Variants in RASGRP4 observed in about 807,000 individuals in gnomAD.
RASGRP4 encodes RAS guanyl releasing protein 4.
In RASGRP4, 52 loss-of-function variants were observed where a neutral mutation model predicts 84.4. The observed-to-expected ratio is 0.62, with a 90% CI of 0.49 to 0.78. RASGRP4 has a LOEUF of 0.78. RASGRP4 is among the 30% of genes least tolerant of loss of function. RASGRP4 has a pLI of 0.00. For synonymous variants in RASGRP4, 356 were observed against 359.1 expected (o/e 0.99, Z 0.10); for missense variants, 760 against 886.9 (o/e 0.86, Z 1.82).
Position 38,413,349 on chromosome 19 carries a change from G to T in RASGRP4, c.1311+45C>A, listed in dbSNP as rs1404132199. 1.2e-6 allele frequency: 2 copies of T among 1,602,080 alleles called. No homozygotes were observed. Among genetic ancestry groups the T allele is most frequent in the African/African-American group, 1.3e-5 (1 of 74,634 alleles). On this transcript the variant is annotated intron_variant, in intron 10 of 16. Transcript: ENST00000615439. The surrounding 1 kb of genome is among the most constrained non-coding windows in gnomAD (Gnocchi z 4.7). ...TAGTCACTGCATAGGCTTAGGGGGG[G>T]TTCGAGGTAATTGGGGGAGTCCGAG...
Position 38,409,122 on chromosome 19 carries a change from T to C in RASGRP4, c.*918A>G. The C allele has an allele frequency of 2.8e-6, 1 of 351,118 alleles. No homozygotes were observed. The highest frequency in any genetic ancestry group is 5.0e-6 in the Non-Finnish European group (1 of 200,512). 21.8% of individuals were successfully genotyped at this position (351,118 alleles called of 1,614,324 possible). ...CTCTCTGTGGGGGCCAAGTCAGGGGTGTTGGGGTTTGTGAAGGGGTTGGGG... is the reference window on the plus strand; with the variant it reads ...CTCTCTGTGGGGGCCAAGTCAGGGGCGTTGGGGTTTGTGAAGGGGTTGGGG... On this transcript the variant is annotated 3_prime_UTR_variant, in exon 17 of 17. Coordinates refer to ENST00000615439, the MANE Select transcript of RASGRP4 (RefSeq NM_170604.3).
At chr19:38,414,384 TGGCGCAA>T (rs1971406653) in intron 9 of RASGRP4, among the ~76,000 whole-genome samples, 1 of 151,648 alleles carries the variant, frequency 6.6e-6, no homozygotes, top group African/African-American at 2.4e-5. Flanking sequence ...AATGGCGCAA[TGGCGCAA>T]TCTCAGCTCA....
chr19:38,420,270 T>G lies in RASGRP4; in HGVS notation c.378-8A>C, dbSNP rs372455784. ...TGTCGCATCAGCCAGTACCTGAGAG[T>G]GGTTTGGAGATGGTGAGATGAGGCC... On this transcript the variant is annotated splice_polypyrimidine_tract_variant and splice_region_variant and intron_variant, in intron 4 of 16. Coordinates refer to ENST00000615439, the MANE Select transcript of RASGRP4 (RefSeq NM_170604.3). The G allele has an allele frequency of 9.4e-5, 152 of 1,610,562 alleles. 1 individual carries two copies. The highest frequency in any genetic ancestry group is 3.3e-4 in the Middle Eastern group (2 of 6,056).
chr19:38,424,321 T>C lies in RASGRP4; in HGVS notation c.23+1748A>G, dbSNP rs146749902. ...TTTTAGTAGAAATGGGGTTTCACCA[T>C]GTTGGCCAGGCTGGTTTCAAACTCC... On this transcript the variant is annotated intron_variant, in intron 1 of 16. Transcript: ENST00000615439. Among the ~76,000 whole-genome samples, 176 of 152,256 alleles carry C rather than the reference T, an allele frequency of 1.2e-3. 1 individual carries two copies. The highest frequency in any genetic ancestry group is 4.0e-3 in the African/African-American group (165 of 41,558).
Position 38,415,138 on chromosome 19 carries a change from C to G in RASGRP4, c.955-15G>C, listed in dbSNP as rs775505709. The G allele has an allele frequency of 4.4e-6, 7 of 1,576,776 alleles. No homozygotes were observed. In the Admixed American group the frequency reaches 5.4e-5, roughly 12 times the overall value. On this transcript the variant is annotated splice_polypyrimidine_tract_variant and intron_variant, in intron 8 of 16. Coordinates refer to ENST00000615439, the MANE Select transcript of RASGRP4 (RefSeq NM_170604.3). ...TCCAGGAGGGCCTGGGGAGGAGGGA[C>G]ATGGGATTGGGGCGTTATCAGGACA...
Position 38,417,240 on chromosome 19 carries a change from C to T in RASGRP4, c.838-72G>A, listed in dbSNP as rs959846005. ...AGTCAGGAGTTCAGATGACAGCATC[C>T]CAGTTGAGGTGGGGTCCCAGGCATG... On this transcript the variant is annotated intron_variant, in intron 7 of 16. Coordinates refer to ENST00000615439, the MANE Select transcript of RASGRP4 (RefSeq NM_170604.3). This position sits in a 1 kb window ranked among gnomAD's most constrained non-coding sequence, Gnocchi z 5.1. 1.5e-5 allele frequency: 15 copies of T among 972,392 alleles called. No homozygotes were observed. Among genetic ancestry groups the T allele is most frequent in the Non-Finnish European group, 2.3e-5 (14 of 621,370 alleles). The allele number at this position is 972,392 out of a possible 1,614,324, so 60.2% of individuals were successfully genotyped here. A position where few individuals can be genotyped will look rare whatever the true frequency, so the allele number is the denominator to read the frequency against.
At chr19:38,420,703 G>A (rs1262887486) in intron 4 of RASGRP4, among the ~76,000 whole-genome samples, 2 of 145,350 alleles carry the variant, frequency 1.4e-5, no homozygotes, top group African/African-American at 5.1e-5. Flanking sequence ...GGTGAGGGGG[G>A]TCTCTAGGAA....
rs1407440842 is a variant in RASGRP4, at chr19:38,422,150, C to A, written c.27G>T (p.Lys9Asn). Residue 9 changes from lysine (K) to asparagine (N), a missense_variant, in exon 2 of 17, where the codon AAG becomes AAT. Coordinates refer to ENST00000615439, the MANE Select transcript of RASGRP4 (RefSeq NM_170604.3). MNRKDSKR[K>N]SHQECTGKIG... ...TTTTTCCGGTGCATTCCTGGTGGGA[C>A]TTCCTGTGGGCACAGCCCCCAAGGA... The A allele has an allele frequency of 6.2e-7, 1 of 1,607,886 alleles. No homozygotes were observed. The highest frequency in any genetic ancestry group is 8.5e-7 in the Non-Finnish European group (1 of 1,177,586).
chr19:38,415,295 G>A (rs1022421159), intron 8 of RASGRP4, among the ~76,000 whole-genome samples, 172 bp from the exon 9 acceptor site: 4 of 151,974 alleles, frequency 2.6e-5, no homozygotes, highest in Admixed American at 6.6e-5. Flanking sequence ...CTTCCTCTTG[G>A]GTCCCCATCT....
chr19:38,423,858 G>A (rs62118964), intron 1 of RASGRP4, among the ~76,000 whole-genome samples: 45 of 151,676 alleles, frequency 3.0e-4, no homozygotes, highest in Non-Finnish European at 6.6e-4. Flanking sequence ...AATAATAATA[G>A]TAATAATAGT....
Position 38,410,887 on chromosome 19 carries a change from G to T in RASGRP4, c.1964C>A (p.Thr655Lys). The T allele has an allele frequency of 6.3e-7, 1 of 1,588,994 alleles. No homozygotes were observed. The highest frequency in any genetic ancestry group is 1.8e-5 in the Admixed American group (1 of 55,974). ...ESPHPSWETD[T>K]VPCPVMDPPS... ...GGGGTAGGGGCGGTTTCTCCTCACCGTATCTGTTTCCCAGGAAGGGTGTGG... is the reference window on the plus strand; with the variant it reads ...GGGGTAGGGGCGGTTTCTCCTCACCTTATCTGTTTCCCAGGAAGGGTGTGG... The change falls in exon 16 of 17, where the codon ACG becomes AAG. Residue 655 changes from threonine (T) to lysine (K), a missense_variant and splice_region_variant. Coordinates refer to ENST00000615439, the MANE Select transcript of RASGRP4 (RefSeq NM_170604.3).
In RASGRP4 at chr19:38,417,105, C is replaced by A; in HGVS notation, c.901G>T (p.Ala301Ser). 1 of 1,565,202 alleles carries A rather than the reference C, an allele frequency of 6.4e-7. No individual in the cohort carries two copies. The highest frequency in any genetic ancestry group is 8.7e-7 in the Non-Finnish European group (1 of 1,154,682). The change falls in exon 8 of 17, where the codon GCC (alanine) becomes TCC (serine). Residue 301 changes from alanine to serine, a missense_variant. Coordinates refer to ENST00000615439, the MANE Select transcript of RASGRP4 (RefSeq NM_170604.3). The surrounding 1 kb of genome is among the most constrained non-coding windows in gnomAD (Gnocchi z 5.1). The part of the protein sequence containing the change: ...MAVTGGLCHS[A>S]ISRLKDSHAH... ...TGGGAGTCCTTGAGTCTGGAGATGG[C>A]ACTGTGACACAGGCCCCCTGTGACT...
At chr19:38,424,240 C>T (rs2145247794) in intron 1 of RASGRP4, among the ~76,000 whole-genome samples, 1 of 152,172 alleles carries the variant, frequency 6.6e-6, no homozygotes, top group South Asian at 2.1e-4. Context: ...CTGCCTCAGC[C>T]TCCCAAGTAG....
At chr19:38,422,276 T>G (rs1276836973) in intron 1 of RASGRP4, 123 bp from the exon 2 acceptor site, 1 of 855,510 alleles carries the variant, frequency 1.2e-6, no homozygotes, top group South Asian at 1.8e-5. Flanking sequence ...AGCCCCAGGG[T>G]TACCCCTGAC....
intron 13 of RASGRP4, among the ~76,000 whole-genome samples, chr19:38,411,883 T>G (rs1222044427): frequency 6.6e-6 from 1 of 152,160 alleles, no homozygotes; most frequent in African/African-American, 2.4e-5. Flanking sequence ...AAATATTTCA[T>G]GAATGAATAA....
At position 38,412,598 on chromosome 19, in the gene RASGRP4, G is replaced by A. The variant is rs1600547700; in HGVS notation, c.1680+74C>T. 2.1e-6 allele frequency: 3 copies of A among 1,416,584 alleles called. No homozygotes were observed. The highest frequency in any genetic ancestry group is 2.9e-6 in the Non-Finnish European group (3 of 1,040,182). 87.8% of individuals were successfully genotyped at this position (1,416,584 alleles called of 1,614,324 possible). A position where few individuals can be genotyped will look rare whatever the true frequency, so the allele number is the denominator to read the frequency against. ...GCTGGAGGATTTCTGGAATTTGGGG[G>A]TTATCTGGGGTTTGCGGACTGCCGG... On this transcript the variant is annotated intron_variant, in intron 13 of 16. Transcript: ENST00000615439. The surrounding 1 kb of genome is among the most constrained non-coding windows in gnomAD (Gnocchi z 4.6).
chr19:38,416,463 CAAAAAAAAA>C (rs765219678), intron 8 of RASGRP4, among the ~76,000 whole-genome samples: 10 of 58,666 alleles, frequency 1.7e-4, no homozygotes, highest in African/African-American at 5.0e-4. Context: ...GACTCTGTCT[CAAAAAAAAA>C]AAAAAAAAAA....
rs551104521 is a variant in RASGRP4 at position 38,413,988 on chromosome 19, G to A, written c.1231-514C>T. On this transcript the variant is annotated intron_variant, in intron 9 of 16. Coordinates refer to ENST00000615439, the MANE Select transcript of RASGRP4 (RefSeq NM_170604.3). This position sits in a 1 kb window ranked among gnomAD's most constrained non-coding sequence, Gnocchi z 4.7. ...CTGTCACCCAGGCTGGAGTGTAGTG[G>A]TACGATCTTGGCTCACTGCAACCTC... is the stretch of plus-strand genomic sequence containing the variant. Among the ~76,000 whole-genome samples, 1 of 152,314 alleles carries A rather than the reference G, an allele frequency of 6.6e-6. No homozygotes were observed. Among genetic ancestry groups the A allele is most frequent in the East Asian group, 1.9e-4 (1 of 5,188 alleles).
In RASGRP4 at chr19:38,414,947, G is replaced by C. The variant is rs777612809; in HGVS notation, c.1131C>G (p.Pro377=). ...GCCGCAGGTAGAGGTTGTTCAGCTTGGGTAGGTGCAGGCGGCCGTCAGGCA... is the reference window on the plus strand; with the variant it reads ...GCCGCAGGTAGAGGTTGTTCAGCTTCGGTAGGTGCAGGCGGCCGTCAGGCA... ...DRLPDGRLHL[P]KLNNLYLRLQ... Residue 377 remains proline, a synonymous_variant, in exon 9 of 17, where the codon CCC becomes CCG. Transcript: ENST00000615439. The C allele has an allele frequency of 1.2e-6, 2 of 1,613,468 alleles. No individual in the cohort carries two copies. The highest frequency in any genetic ancestry group is 1.7e-6 in the Non-Finnish European group (2 of 1,179,756).
Sources: gnomAD v4.1 joint callset for allele counts (sites outside exome capture counted in the v4.1 genomes callset) on GRCh38, gnomAD v4.1.1 for gene constraint, Gnocchi (gnomAD v3.1) non-coding constraint, MANE v1.5 for transcripts, NCBI Gene and HGNC (gene_info 2026-07-23, HGNC 2026-07-21) for gene names.